FAM227B: variants seen among roughly 807,000 people sequenced by gnomAD.
FAM227B encodes family with sequence similarity 227 member B, also known as protein FAM227B.
A neutral mutation model predicts 73.8 loss-of-function variants in FAM227B; 88 were observed. The observed-to-expected ratio is 1.19, with a 90% CI of 1.00 to 1.42. The LOEUF is 1.42. FAM227B is among the 40% of genes most tolerant of loss of function. The pLI, the probability that FAM227B is intolerant of heterozygous loss-of-function variation, is 0.00. For synonymous variants in FAM227B, 210 were observed against 190.5 expected (o/e 1.10, Z -0.84); for missense variants, 632 against 590.9 (o/e 1.07, Z -0.72).
intron 9 of FAM227B, among the ~76,000 whole-genome samples, chr15:49,564,886 T>C (rs4476126): frequency 5.0e-4 from 76 of 152,020 alleles, no homozygotes; most frequent in Non-Finnish European, 8.1e-4. Flanking sequence ...CTCACTATAC[T>C]ATACTTACTA....
intron 11 of FAM227B, among the ~76,000 whole-genome samples, chr15:49,454,222 T>C (rs1342440752): frequency 6.6e-6 from 1 of 152,162 alleles, no homozygotes; most frequent in East Asian, 1.9e-4. Flanking sequence ...CTAAATAAAT[T>C]GCACTGGAAT....
intron 9 of FAM227B, among the ~76,000 whole-genome samples, chr15:49,559,434 G>T (rs1047581562): frequency 6.6e-6 from 1 of 151,954 alleles, no homozygotes; most frequent in Non-Finnish European, 1.5e-5. Flanking sequence ...CAAAGATCAG[G>T]TACCTACCTA....
chr15:49,599,191 T>A lies in FAM227B; in HGVS notation c.106-9184A>T, dbSNP rs182863568. Among the ~76,000 whole-genome samples, 32 of 152,180 alleles carry A rather than the reference T, an allele frequency of 2.1e-4. No individual in the cohort carries two copies. In the East Asian group the frequency reaches 6.0e-3, roughly 28 times the overall value. ...AAGGTAGGTTGTATGTTTCAAGGAA[T>A]TTATTCATTTATTTTAGGTTATTCA... On this transcript the variant is annotated intron_variant, in intron 3 of 15. Transcript: ENST00000299338.
At chr15:49,443,378 C>T (rs1278578474) in intron 11 of FAM227B, among the ~76,000 whole-genome samples, 1 of 151,114 alleles carries the variant, frequency 6.6e-6, no homozygotes, top group Admixed American at 6.6e-5. Flanking sequence ...CAACTCTGTT[C>T]AGTGATGTTT....
intron 13 of FAM227B, among the ~76,000 whole-genome samples, chr15:49,340,331 C>T (rs1184038413): frequency 6.6e-6 from 1 of 152,058 alleles, no homozygotes; most frequent in Non-Finnish European, 1.5e-5. Context: ...ACGGTACAGT[C>T]CCTAATGGCT....
At chr15:49,350,785 C>G (rs2042128561) in intron 13 of FAM227B, among the ~76,000 whole-genome samples, 1 of 152,154 alleles carries the variant, frequency 6.6e-6, no homozygotes, top group African/African-American at 2.4e-5. Flanking sequence ...CTTTTCCTTT[C>G]CTAACAGTGC....
intron 14 of FAM227B, among the ~76,000 whole-genome samples, chr15:49,333,853 T>G (rs1596239952): frequency 6.6e-6 from 1 of 152,300 alleles, no homozygotes; most frequent in East Asian, 1.9e-4. Context: ...TGAGCCCAAT[T>G]TTTCTTGCTT....
rs561682339 is a variant in FAM227B at position 49,520,903 on chromosome 15, G to A, written c.875-12555C>T. 4.6e-5 allele frequency among the ~76,000 whole-genome samples: 7 copies of A among 152,280 alleles called. No individual in the cohort carries two copies. The South Asian group carries it at 1.0e-3, about 23-fold the overall frequency. The stretch of plus-strand genomic sequence containing the variant: ...GAGATTGATGCCTGGAGAACTTGAA[G>A]TCCCAGTGAAAGGATAGGTGGAAAT... On this transcript the variant is annotated intron_variant, in intron 10 of 15. Coordinates refer to ENST00000299338, the MANE Select transcript of FAM227B (RefSeq NM_152647.3).
chr15:49,595,586 T>G (rs1040438904), intron 3 of FAM227B, among the ~76,000 whole-genome samples: 1 of 151,930 alleles, frequency 6.6e-6, no homozygotes, highest in Admixed American at 6.6e-5. Flanking sequence ...GGGTTTGACA[T>G]AGCTTTTATT....
Position 49,476,232 on chromosome 15 carries a change from G to GTTTTTTTT in FAM227B, c.1012+31971_1012+31978dup. ...TTGCTGTTTTGTTTTTTTGTTTTTG[G>GTTTTTTTT]TTTTTTTTTTTTTGCATTTGGCATA... On this transcript the variant is annotated intron_variant, in intron 11 of 15. Transcript: ENST00000299338. Among the ~76,000 whole-genome samples the GTTTTTTTT allele has an allele frequency of 6.3e-3, 360 of 56,998 alleles. 32 individuals are homozygous for GTTTTTTTT. The highest frequency in any genetic ancestry group is 8.7e-3 in the Non-Finnish European group (237 of 27,186). The allele number at this position is 56,998 out of a possible 152,430, so 37.4% of individuals were successfully genotyped here.
chr15:49,547,789 T>A (rs1260982362), intron 9 of FAM227B, among the ~76,000 whole-genome samples: 2 of 152,202 alleles, frequency 1.3e-5, no homozygotes, highest in East Asian at 3.8e-4. Context: ...CCTAAACTTA[T>A]ATGCATCTAA....
chr15:49,476,077 T>C (rs16973952), intron 11 of FAM227B, among the ~76,000 whole-genome samples: 1 of 151,860 alleles, frequency 6.6e-6, no homozygotes, highest in African/African-American at 2.4e-5. Flanking sequence ...TATCTCTCAA[T>C]TAGCATGTTT....
intron 14 of FAM227B, among the ~76,000 whole-genome samples, chr15:49,333,168 A>G (rs2039099464): frequency 6.6e-6 from 1 of 152,144 alleles, no homozygotes; most frequent in Non-Finnish European, 1.5e-5. Flanking sequence ...TTTTATTGAG[A>G]TATGTTACAT....
intron 15 of FAM227B, chr15:49,330,736 GA>G (rs1282865920): frequency 7.0e-6 from 1 of 143,476 alleles, no homozygotes; most frequent in South Asian, 2.2e-4. Context: ...TAGTAGGGAA[GA>G]TAGACCAAAA....
intron 13 of FAM227B, among the ~76,000 whole-genome samples, chr15:49,342,344 T>A (rs1040897610): frequency 6.6e-6 from 1 of 152,184 alleles, no homozygotes; most frequent in African/African-American, 2.4e-5. Flanking sequence ...ATAAGAATAG[T>A]GACTCCTGCT....
At chr15:49,608,017 G>A (rs2077632652) in intron 3 of FAM227B, among the ~76,000 whole-genome samples, 2 of 152,126 alleles carry the variant, frequency 1.3e-5, no homozygotes, top group Admixed American at 6.6e-5. Context: ...GCAGCTAACA[G>A]GCAGATTAGC....
chr15:49,335,588 ACCTTCACTTTTCAGTAAT>A lies in FAM227B; in HGVS notation c.1272-110_1272-93del, dbSNP rs1329367151. The A allele has an allele frequency of 1.2e-5, 10 of 836,640 alleles. 1 individual carries two copies. The African/African-American group carries it at 1.7e-4, about 14-fold the overall frequency. The allele number at this position is 836,640 out of a possible 1,614,324, so 51.8% of individuals were successfully genotyped here. A position where few individuals can be genotyped will look rare whatever the true frequency, so the allele number is the denominator to read the frequency against. On this transcript the variant is annotated intron_variant, in intron 13 of 15. Transcript: ENST00000299338. ...ACAGAGGAACCAAGGGGACCGTGTG[ACCTTCACTTTTCAGTAAT>A]GAAGAGTCTCAAGTATAAACATGAA...
chr15:49,522,239 A>T (rs2059843801), intron 10 of FAM227B, among the ~76,000 whole-genome samples: 1 of 152,200 alleles, frequency 6.6e-6, no homozygotes, highest in South Asian at 2.1e-4. Flanking sequence ...CAAAATGATC[A>T]TACACAACAT....
At chr15:49,367,123 T>C (rs991591669) in intron 13 of FAM227B, among the ~76,000 whole-genome samples, 6 of 152,208 alleles carry the variant, frequency 3.9e-5, no homozygotes, top group African/African-American at 1.4e-4. Context: ...CCATGCCTCA[T>C]AATTCTGACA....
Sources: allele counts gnomAD v4.1 joint callset (sites outside exome capture counted in the v4.1 genomes callset), GRCh38; gene constraint gnomAD v4.1.1; transcripts MANE v1.5; gene names NCBI Gene and HGNC (gene_info 2026-07-23, HGNC 2026-07-21).